WNT7B: variants seen among roughly 807,000 people sequenced by gnomAD.
The protein encoded by WNT7B is protein Wnt-7b.
A neutral mutation model predicts 38.2 loss-of-function variants in WNT7B; 19 were observed. That is an observed-to-expected ratio of 0.50 (90% confidence interval 0.35 to 0.73). WNT7B has a LOEUF of 0.73. Among genes scored for constraint, WNT7B ranks in the 30% least tolerant of loss-of-function variants. The pLI is 0.01. For missense variants in WNT7B, 423 were observed against 507.9 expected (o/e 0.83, Z 1.61); for synonymous variants, 243 against 209.3 (o/e 1.16, Z -1.39).
At chr22:45,933,003 G>A (rs1931415184) in intron 2 of WNT7B, among the ~76,000 whole-genome samples, 1 of 152,246 alleles carries the variant, frequency 6.6e-6, no homozygotes, top group Non-Finnish European at 1.5e-5. Context: ...GCCCAGCTTT[G>A]TGCTAGGGGC....
In WNT7B at chr22:45,931,212, G is replaced by A. The variant is rs144043923; in HGVS notation, c.456C>T (p.Cys152=). The change falls in exon 3 of 4, where the codon TGC becomes TGT. Residue 152 remains cysteine (C), a synonymous_variant. Coordinates refer to ENST00000339464, the MANE Select transcript of WNT7B (RefSeq NM_058238.3). The part of the protein sequence containing the change: ...NQAEGWKWGG[C]SADVRYGIDF... ...CGATGCCGTAACGCACGTCGGCCGA[G>A]CAGCCGCCCCACTTCCAGCCCTCGG... 6.3e-6 allele frequency: 10 copies of A among 1,599,220 alleles called. No individual in the cohort carries two copies. The highest frequency in any genetic ancestry group is 8.5e-6 in the Non-Finnish European group (10 of 1,179,832).
intron 2 of WNT7B, among the ~76,000 whole-genome samples, chr22:45,937,064 C>T (rs989190218): frequency 6.6e-6 from 1 of 152,136 alleles, no homozygotes; most frequent in Non-Finnish European, 1.5e-5. Context: ...GTACTTGGTG[C>T]CCTCCTAGGA....
At chr22:45,970,103 G>A (rs1035076137) in intron 1 of WNT7B, among the ~76,000 whole-genome samples, 1 of 152,214 alleles carries the variant, frequency 6.6e-6, no homozygotes, top group Admixed American at 6.5e-5. Context: ...AACCGGGCAA[G>A]GGAAATCTGA....
intron 2 of WNT7B, 58 bp downstream of exon 2, chr22:45,949,862 C>T: frequency 6.5e-7 from 1 of 1,538,538 alleles, no homozygotes; most frequent in Non-Finnish European, 8.9e-7. Context: ...AGTGGGTGGC[C>T]TGGCCTACTG....
At chr22:45,971,692 G>A (rs1227228420) in intron 1 of WNT7B, among the ~76,000 whole-genome samples, 2 of 152,216 alleles carry the variant, frequency 1.3e-5, no homozygotes, top group Non-Finnish European at 2.9e-5. Context: ...AGCGCGGCGT[G>A]CACGTGCATG....
chr22:45,923,126 A>G lies in WNT7B; in HGVS notation c.780T>C (p.Tyr260=), dbSNP rs552677488. ...TFLRIKQLRS[Y]QKPMETDLVY... ...CCAGGTCTGTCTCCATGGGCTTCTG[A>G]TAGCTGCGCAGCTGTTTGATGCGCA... The change falls in exon 4 of 4, where the codon TAT becomes TAC. Residue 260 remains tyrosine, a synonymous_variant. Transcript: ENST00000339464. 5.6e-6 allele frequency: 9 copies of G among 1,613,590 alleles called. No individual in the cohort carries two copies. The South Asian group carries it at 9.9e-5, about 18-fold the overall frequency.
At chr22:45,935,384 C>A (rs1894738810) in intron 2 of WNT7B, among the ~76,000 whole-genome samples, 1 of 151,744 alleles carries the variant, frequency 6.6e-6, no homozygotes, top group Non-Finnish European at 1.5e-5. Flanking sequence ...GGCCTGCCTG[C>A]AGGTTGGGCA....
At position 45,931,316 on chromosome 22, in the gene WNT7B, C is replaced by T. The variant is rs1931349153; in HGVS notation, c.352G>A (p.Ala118Thr). Reference protein sequence around the residue: ...YAITAAGVAHAVTAACSQGNL... With the variant: ...YAITAAGVAHTVTAACSQGNL... The stretch of plus-strand genomic sequence containing the variant: ...CCTTGGCTGCAGGCAGCGGTGACGG[C>T]GTGCGCCACGCCAGCCGCGGTGATG... The change falls in exon 3 of 4, where the codon GCC becomes ACC. Residue 118 changes from alanine (A) to threonine (T), a missense_variant. By Grantham distance (58) the Ala-to-Thr change is moderately conservative (BLOSUM62 0). Around this residue, in one of 3 missense-constraint regions of WNT7B, gnomAD observed 133 missense variants for 179.8 expected, o/e 0.74. Coordinates refer to ENST00000339464, the MANE Select transcript of WNT7B (RefSeq NM_058238.3). 2.8e-5 allele frequency: 45 copies of T among 1,596,980 alleles called. No homozygotes were observed. Among genetic ancestry groups the T allele is most frequent in the Non-Finnish European group, 3.7e-5 (44 of 1,178,882 alleles).
intron 3 of WNT7B, among the ~76,000 whole-genome samples, chr22:45,929,841 C>T (rs1432014136): frequency 2.7e-5 from 4 of 148,086 alleles, no homozygotes; most frequent in Non-Finnish European, 6.0e-5. Context: ...CTCTTCTATA[C>T]ATCCACCCAC....
At position 45,929,436 on chromosome 22, in the gene WNT7B, CCACT is replaced by C. The variant is rs146030615; in HGVS notation, c.570+1658_570+1661del. Among the ~76,000 whole-genome samples the C allele has an allele frequency of 5.2e-3, 779 of 149,284 alleles. 6 individuals carry two copies. The highest frequency in any genetic ancestry group is 0.018 in the African/African-American group (719 of 39,696). ...TGAATCCACTCATCCATCCACCCAC[CCACT>C]GATCCATCCTTTGATTCGTCCATCT... On this transcript the variant is annotated intron_variant, in intron 3 of 3. Transcript: ENST00000339464.
chr22:45,971,443 G>T (rs1899746923), intron 1 of WNT7B, among the ~76,000 whole-genome samples: 1 of 152,208 alleles, frequency 6.6e-6, no homozygotes, highest in Non-Finnish European at 1.5e-5. Flanking sequence ...ACTCGGCCCT[G>T]CCCGGAGCTT....
At position 45,931,302 on chromosome 22, in the gene WNT7B, G is replaced by C; in HGVS notation, c.366C>G (p.Ala122=). 6.3e-7 allele frequency: 1 copy of C among 1,597,914 alleles called. No individual in the cohort carries two copies. Among genetic ancestry groups the C allele is most frequent in the Non-Finnish European group, 8.5e-7 (1 of 1,179,344 alleles). ...AAGVAHAVTA[A]CSQGNLSNCG... ...AGTTGCTCAGGTTCCCTTGGCTGCA[G>C]GCAGCGGTGACGGCGTGCGCCACGC... Residue 122 remains alanine, a synonymous_variant, in exon 3 of 4, where the codon GCC becomes GCG. Transcript: ENST00000339464.
chr22:45,935,418 A>T (rs1192558320), intron 2 of WNT7B, among the ~76,000 whole-genome samples: 1 of 151,742 alleles, frequency 6.6e-6, no homozygotes, highest in African/African-American at 2.4e-5. Flanking sequence ...CACAGTAACT[A>T]CTCCTGAATA....
At chr22:45,954,500 G>A (rs1364261843) in intron 1 of WNT7B, among the ~76,000 whole-genome samples, 1 of 152,166 alleles carries the variant, frequency 6.6e-6, no homozygotes, top group Non-Finnish European at 1.5e-5. Context: ...CAATTGAAGG[G>A]GATGCGAGAG....
chr22:45,952,072 T>C (rs913482299), intron 1 of WNT7B, among the ~76,000 whole-genome samples: 1 of 152,158 alleles, frequency 6.6e-6, no homozygotes, highest in African/African-American at 2.4e-5. Context: ...AGCACAGCGC[T>C]TGGCTTCAAA....
chr22:45,929,484 ACATC>A (rs1166310041), intron 3 of WNT7B, among the ~76,000 whole-genome samples: 5 of 62,844 alleles, frequency 8.0e-5, no homozygotes, highest in African/African-American at 4.1e-4. Flanking sequence ...TTCCATCTGT[ACATC>A]CACCCACCCA....
At chr22:45,961,437 G>A (rs1158528844) in intron 1 of WNT7B, among the ~76,000 whole-genome samples, 1 of 152,218 alleles carries the variant, frequency 6.6e-6, no homozygotes, top group Non-Finnish European at 1.5e-5. Flanking sequence ...TTCATGGTGT[G>A]TGGGGCCCTG....
At chr22:45,930,081 G>C (rs1488583979) in intron 3 of WNT7B, among the ~76,000 whole-genome samples, 1 of 150,346 alleles carries the variant, frequency 6.7e-6, no homozygotes. Flanking sequence ...GGCCCTACTT[G>C]CTTCCCAAGC....
intron 2 of WNT7B, among the ~76,000 whole-genome samples, chr22:45,939,144 TATGCTGGTGGCAGTGTGAG>T (rs948326051): frequency 8.5e-5 from 13 of 152,252 alleles, no homozygotes; most frequent in Middle Eastern, 3.4e-3. Flanking sequence ...GGGACCCCTG[TATGCTGGTGGCAGTGTGAG>T]ATGCTGGTGG....
Sources: gnomAD v4.1 joint callset for allele counts (sites outside exome capture counted in the v4.1 genomes callset) on GRCh38, gnomAD v4.1.1 for gene constraint, gnomAD v4.1.1 regional missense constraint, MANE v1.5 for transcripts, NCBI Gene and HGNC (gene_info 2026-07-23, HGNC 2026-07-21) for gene names.